PUS10: variants seen among roughly 807,000 people sequenced by gnomAD.
PUS10 encodes the protein tRNA pseudouridine synthase Pus10.
A neutral mutation model predicts 75.0 loss-of-function variants in PUS10; 59 were observed. That is an observed-to-expected ratio of 0.79 (90% CI 0.64 to 0.98). PUS10 has a LOEUF of 0.98. PUS10 is among the 50% of genes least tolerant of loss of function. The pLI is 0.00. For synonymous variants in PUS10, 219 were observed against 211.6 expected (o/e 1.03, Z -0.30); for missense variants, 650 against 614.4 (o/e 1.06, Z -0.61).
Position 60,941,192 on chromosome 2 carries a change from AATG to A in PUS10, c.*1200_*1202del, listed in dbSNP as rs1179253494. On this transcript the variant is annotated 3_prime_UTR_variant, in exon 18 of 18. Transcript: ENST00000316752. Reference sequence around the variant, plus strand: ...CATTCATTTTTTTTAGGTTTAGCTTAATGTTTTTCCTCTTCATAATACCAACTG... The same window carrying A: ...CATTCATTTTTTTTAGGTTTAGCTTATTTTTCCTCTTCATAATACCAACTG... 6.6e-6 allele frequency: 1 copy of A among 152,272 alleles called. No individual in the cohort carries two copies. The highest frequency in any genetic ancestry group is 2.4e-5 in the African/African-American group (1 of 41,436). The allele number at this position is 152,272 out of a possible 1,614,324, so 9.4% of individuals were successfully genotyped here. A position where few individuals can be genotyped will look rare whatever the true frequency, so the allele number is the denominator to read the frequency against.
intron 1 of PUS10, chr2:61,017,260 C>T (rs1481640520): frequency 6.5e-6 from 1 of 152,902 alleles, no homozygotes; most frequent in Non-Finnish European, 1.5e-5. Flanking sequence ...CAATTCTGTT[C>T]CCCGAGGAAA....
chr2:60,996,233 C>G (rs964962942), intron 4 of PUS10, among the ~76,000 whole-genome samples: 3 of 152,182 alleles, frequency 2.0e-5, no homozygotes, highest in Non-Finnish European at 4.4e-5. Context: ...GTTATTAGAT[C>G]TCTTCAATAT....
At chr2:60,995,887 T>TA (rs1342718699) in intron 4 of PUS10, among the ~76,000 whole-genome samples, 1 of 152,236 alleles carries the variant, frequency 6.6e-6, no homozygotes, top group African/African-American at 2.4e-5. Flanking sequence ...CTCAATTACC[T>TA]ACACTGCTAG....
Position 60,941,366 on chromosome 2 carries a change from C to G in PUS10, c.*1029G>C, listed in dbSNP as rs1260633507. The G allele has an allele frequency of 6.6e-6, 1 of 152,186 alleles. No homozygotes were observed. The highest frequency in any genetic ancestry group is 1.5e-5 in the Non-Finnish European group (1 of 67,966). The allele number at this position is 152,186 out of a possible 1,614,324, so 9.4% of individuals were successfully genotyped here. A position where few individuals can be genotyped will look rare whatever the true frequency, so the allele number is the denominator to read the frequency against. Reference sequence around the variant, plus strand: ...GTTTAAATGGCATCCATAGCTGCCCCTTCACACAAACAGGTGCTCAGTAAT... The same window carrying G: ...GTTTAAATGGCATCCATAGCTGCCCGTTCACACAAACAGGTGCTCAGTAAT... On this transcript the variant is annotated 3_prime_UTR_variant, in exon 18 of 18. Coordinates refer to ENST00000316752, the MANE Select transcript of PUS10 (RefSeq NM_144709.4).
chr2:60,947,812 G>C (rs1199145678), intron 16 of PUS10, among the ~76,000 whole-genome samples: 12 of 124,304 alleles, frequency 9.7e-5, no homozygotes, highest in African/African-American at 2.8e-4. Context: ...CTGGGCGACA[G>C]AGCGAGACTC....
rs776705533 is a variant in PUS10, at chr2:60,953,133, T to C, written c.1191-19A>G. On this transcript the variant is annotated intron_variant, in intron 14 of 17. Coordinates refer to ENST00000316752, the MANE Select transcript of PUS10 (RefSeq NM_144709.4). ...TGCCTCTCTAAACAAAAACAATTTT[T>C]AGAAGTTTGTCCAAATAAACAAAAT... 8 of 1,356,694 alleles carry C rather than the reference T, an allele frequency of 5.9e-6. No individual in the cohort carries two copies. The South Asian group carries it at 9.9e-5, about 17-fold the overall frequency. 84.0% of individuals were successfully genotyped at this position (1,356,694 alleles called of 1,614,324 possible).
chr2:60,967,687 T>C, intron 5 of PUS10, 74 bp from the exon 6 acceptor site: 1 of 998,264 alleles, frequency 1.0e-6, no homozygotes, highest in Non-Finnish European at 1.5e-6. Context: ...ATTTATGCAA[T>C]TATTTTTAAA....
rs1273131767 is a variant in PUS10 at position 60,940,276 on chromosome 2, G to A, written c.*2119C>T. ...TTGACTTTTCCAGGTATTCAGAGTT[G>A]ATGTTTTTCCTAAAATAAACCACAG... is the stretch of plus-strand genomic sequence containing the variant. On this transcript the variant is annotated 3_prime_UTR_variant, in exon 18 of 18. Transcript: ENST00000316752. 1.3e-5 allele frequency: 2 copies of A among 152,174 alleles called. No homozygotes were observed. The highest frequency in any genetic ancestry group is 2.9e-5 in the Non-Finnish European group (2 of 67,980). The allele number at this position is 152,174 out of a possible 1,614,324, so 9.4% of individuals were successfully genotyped here. A position where few individuals can be genotyped will look rare whatever the true frequency, so the allele number is the denominator to read the frequency against.
chr2:60,974,787 C>T (rs557952778), intron 4 of PUS10, among the ~76,000 whole-genome samples: 3 of 152,350 alleles, frequency 2.0e-5, no homozygotes, highest in Admixed American at 6.5e-5. Flanking sequence ...CTGCTGTGTG[C>T]GATGGCTGGA....
rs574987081 is a variant in PUS10 at position 60,942,358 on chromosome 2, C to G, written c.*37G>C. 1 of 1,594,850 alleles carries G rather than the reference C, an allele frequency of 6.3e-7. No individual in the cohort carries two copies. The highest frequency in any genetic ancestry group is 1.7e-5 in the Admixed American group (1 of 59,962). On this transcript the variant is annotated 3_prime_UTR_variant, in exon 18 of 18. Transcript: ENST00000316752. ...GTGCTCCATGGATGTCCACATCATG[C>G]CAGGAAAACCATACTCTTTGTCTCC... is the stretch of plus-strand genomic sequence containing the variant.
chr2:60,961,178 G>A (rs1327512627), intron 10 of PUS10, among the ~76,000 whole-genome samples: 2 of 152,108 alleles, frequency 1.3e-5, no homozygotes, highest in Non-Finnish European at 2.9e-5. Context: ...TTGGGTCTCT[G>A]CATCTACCCA....
intron 1 of PUS10, among the ~76,000 whole-genome samples, chr2:61,013,052 T>C (rs1461300583): frequency 2.0e-5 from 3 of 149,612 alleles, no homozygotes; most frequent in Non-Finnish European, 4.5e-5. Flanking sequence ...GAGTTTGAGA[T>C]CAGCCTGGGC....
At chr2:61,012,887 T>TACACAC (rs1553419554) in intron 1 of PUS10, among the ~76,000 whole-genome samples, 3 of 88,900 alleles carry the variant, frequency 3.4e-5, no homozygotes, top group African/African-American at 1.2e-4. Context: ...TATATATATA[T>TACACAC]ACACACACAC....
intron 8 of PUS10, among the ~76,000 whole-genome samples, chr2:60,964,427 G>A (rs1022156804): frequency 2.0e-5 from 3 of 152,198 alleles, no homozygotes; most frequent in Middle Eastern, 3.2e-3. Flanking sequence ...CGAAACTGAT[G>A]CATGAAAGAT....
At chr2:61,017,849 C>T in intron 1 of PUS10, 159 bp downstream of exon 1, 8 of 1,550,384 alleles carry the variant, frequency 5.2e-6, no homozygotes, top group Non-Finnish European at 7.0e-6. Context: ...GCCCCACTTT[C>T]CAGTGAGTGT....
At chr2:60,946,268 C>T (rs1573375516) in intron 16 of PUS10, among the ~76,000 whole-genome samples, 1 of 152,258 alleles carries the variant, frequency 6.6e-6, no homozygotes. Context: ...AATGAGCTAG[C>T]TCAGTGCAGT....
chr2:60,995,146 C>T (rs1041876578), intron 4 of PUS10, among the ~76,000 whole-genome samples: 13 of 152,224 alleles, frequency 8.5e-5, no homozygotes, highest in Admixed American at 8.5e-4. Flanking sequence ...CCTAGCTCTG[C>T]TATTTATCAG....
chr2:60,966,092 A>T (rs1037896393), intron 6 of PUS10: 2 of 152,102 alleles, frequency 1.3e-5, no homozygotes, highest in Non-Finnish European at 2.9e-5. Flanking sequence ...TTTTGTGAAT[A>T]TAAATGTATA....
At chr2:61,016,284 A>G (rs1357368623) in intron 1 of PUS10, among the ~76,000 whole-genome samples, 1 of 152,246 alleles carries the variant, frequency 6.6e-6, no homozygotes, top group East Asian at 1.9e-4. Context: ...ATGTGTGTTA[A>G]TAAACGAGCT....
Sources: allele counts gnomAD v4.1 joint callset (sites outside exome capture counted in the v4.1 genomes callset), GRCh38; gene constraint gnomAD v4.1.1; transcripts MANE v1.5; gene names NCBI Gene and HGNC (gene_info 2026-07-23, HGNC 2026-07-21).